The following COL6A6 variants were observed in gnomAD, a reference collection of about 807,000 sequenced individuals.
COL6A6 encodes the protein collagen alpha-6(VI) chain.
Under a neutral mutation model 208.6 loss-of-function variants are expected in COL6A6, and 183 were observed. That is an observed-to-expected ratio of 0.88 (90% CI 0.78 to 0.99). COL6A6 has a LOEUF of 0.99. Ranked by LOEUF, COL6A6 falls within the 50% of genes least tolerant of loss-of-function variation. The probability of loss-of-function intolerance (pLI) is 0.00; values close to 1 mark genes in which losing one functional copy is unlikely to be tolerated. For synonymous variants in COL6A6, 973 were observed against 1,011.8 expected (o/e 0.96, Z 0.73); for missense variants, 2,816 against 2,815.2 (o/e 1.00, Z -0.01).
intron 1 of COL6A6, among the ~76,000 whole-genome samples, chr3:130,524,322 G>A (rs1027324630): frequency 2.8e-4 from 43 of 152,190 alleles, no homozygotes; most frequent in African/African-American, 9.4e-4. Flanking sequence ...CTGCTTTGAC[G>A]CACTTACCTA....
At chr3:130,606,189 A>G (rs946751509) in intron 20 of COL6A6, among the ~76,000 whole-genome samples, 4 of 152,236 alleles carry the variant, frequency 2.6e-5, no homozygotes, top group African/African-American at 7.2e-5. Context: ...TACTTTTACT[A>G]TAACATTACT....
chr3:130,611,215 A>G (rs1202757231), intron 23 of COL6A6, among the ~76,000 whole-genome samples: 2 of 152,190 alleles, frequency 1.3e-5, no homozygotes, highest in Non-Finnish European at 2.9e-5. Context: ...ACTGCTCTGC[A>G]TTAGCACTCC....
At position 130,599,799 on chromosome 3, in the gene COL6A6, A is replaced by G. The variant is rs2108132625; in HGVS notation, c.4642A>G (p.Arg1548Gly). 2 of 1,613,780 alleles carry G rather than the reference A, an allele frequency of 1.2e-6. No individual in the cohort carries two copies. The highest frequency in any genetic ancestry group is 1.3e-5 in the African/African-American group (1 of 75,036). Residue 1548 changes from arginine (R) to glycine (G), a missense_variant, in exon 20 of 37, where the codon AGA becomes GGA. Coordinates refer to ENST00000358511, the MANE Select transcript of COL6A6 (RefSeq NM_001102608.3). ...WPGPPGTPGS[R>G]RKTAAHGRRG... ...AGGCCCCCCCGGGACACCAGGCTCCAGAAGAAAGACAGTAAGAGCCCTTCT... is the reference window on the plus strand; with the variant it reads ...AGGCCCCCCCGGGACACCAGGCTCCGGAAGAAAGACAGTAAGAGCCCTTCT...
At chr3:130,606,809 T>G (rs532942337) in intron 20 of COL6A6, 122 bp from the exon 21 acceptor site, 143 of 657,748 alleles carry the variant, frequency 2.2e-4, no homozygotes, top group Admixed American at 3.6e-4. Flanking sequence ...AATTGAATGT[T>G]GTAAGCACTA....
rs559326220 is a variant in COL6A6, at chr3:130,637,848, G to A, written c.5091+2087G>A. ...TTCTTTTTCCCACCTTTAAAAGCAC[G>A]CACATAGTTTAAAGCAGGGTTTCTC... On this transcript the variant is annotated intron_variant, in intron 28 of 36. Transcript: ENST00000358511. 1.1e-3 allele frequency among the ~76,000 whole-genome samples: 161 copies of A among 151,826 alleles called. 1 individual carries two copies. Among genetic ancestry groups the A allele is most frequent in the African/African-American group, 3.5e-3 (146 of 41,346 alleles).
chr3:130,589,075 T>C lies in COL6A6; in HGVS notation c.4126-15T>C. The C allele has an allele frequency of 6.2e-7, 1 of 1,608,320 alleles. No individual in the cohort carries two copies. Among genetic ancestry groups the C allele is most frequent in the Non-Finnish European group, 8.5e-7 (1 of 1,174,982 alleles). On this transcript the variant is annotated splice_polypyrimidine_tract_variant and intron_variant, in intron 11 of 36. Transcript: ENST00000358511. ...AATACCACCAAATGTAATGTATTTC[T>C]TACCCTCTCCCAAGGTCAATGTTGC...
At chr3:130,594,568 A>G in intron 18 of COL6A6, 1 of 425,214 alleles carries the variant, frequency 2.4e-6, no homozygotes, top group Non-Finnish European at 4.2e-6. Flanking sequence ...CAATTTTGTA[A>G]ATACATACTC....
At chr3:130,571,485 A>T in intron 7 of COL6A6, 92 bp downstream of exon 7, 3 of 865,560 alleles carry the variant, frequency 3.5e-6, no homozygotes, top group Non-Finnish European at 5.3e-6. Context: ...CAAGTTTTCC[A>T]GAGAGGAGAG....
intron 1 of COL6A6, among the ~76,000 whole-genome samples, chr3:130,554,914 G>A (rs760638038): frequency 5.9e-5 from 9 of 152,082 alleles, no homozygotes; most frequent in Non-Finnish European, 1.3e-4. Flanking sequence ...GAGCTATGAC[G>A]TGGGCCCCTG....
intron 8 of COL6A6, among the ~76,000 whole-genome samples, chr3:130,576,908 C>T (rs2063311264): frequency 6.6e-6 from 1 of 152,170 alleles, no homozygotes; most frequent in Admixed American, 6.5e-5. Context: ...AAGGCCTGAA[C>T]ACTTGCTGTG....
intron 1 of COL6A6, among the ~76,000 whole-genome samples, chr3:130,554,068 T>G (rs1264348481): frequency 6.6e-6 from 1 of 152,212 alleles, no homozygotes; most frequent in African/African-American, 2.4e-5. Context: ...AGGAACCTAC[T>G]GTGCTGAAGG....
chr3:130,642,001 T>C (rs1345686154), intron 29 of COL6A6, among the ~76,000 whole-genome samples: 1 of 152,202 alleles, frequency 6.6e-6, no homozygotes, highest in South Asian at 2.1e-4. Flanking sequence ...TCAATCTTTC[T>C]ATATGTAATA....
chr3:130,557,506 G>C (rs763537848), intron 1 of COL6A6, among the ~76,000 whole-genome samples: 1 of 152,168 alleles, frequency 6.6e-6, no homozygotes, highest in African/African-American at 2.4e-5. Context: ...GACATCAGGG[G>C]TTAAATAAGC....
At chr3:130,528,832 T>C (rs1235172237) in intron 1 of COL6A6, among the ~76,000 whole-genome samples, 3 of 152,236 alleles carry the variant, frequency 2.0e-5, no homozygotes, top group Non-Finnish European at 4.4e-5. Context: ...GGCTCACGCC[T>C]GTAATCCCAG....
chr3:130,592,651 A>C (rs1333425842), intron 14 of COL6A6, 39 bp downstream of exon 14: 1 of 1,612,290 alleles, frequency 6.2e-7, no homozygotes, highest in South Asian at 1.1e-5. Context: ...TCTCAATATT[A>C]ATTACATTTT....
At chr3:130,669,963 G>A (rs1201671392) in intron 36 of COL6A6, among the ~76,000 whole-genome samples, 3 of 152,212 alleles carry the variant, frequency 2.0e-5, no homozygotes, top group Admixed American at 6.5e-5. Context: ...TACCTTTGGC[G>A]ATGTGCCTAC....
At chr3:130,604,037 T>A (rs2064105862) in intron 20 of COL6A6, among the ~76,000 whole-genome samples, 1 of 152,200 alleles carries the variant, frequency 6.6e-6, no homozygotes, top group South Asian at 2.1e-4. Context: ...CATTTGCAAG[T>A]CGTTGGGTAA....
intron 10 of COL6A6, among the ~76,000 whole-genome samples, chr3:130,584,254 A>G (rs1036283296): frequency 6.6e-6 from 1 of 152,214 alleles, no homozygotes; most frequent in Non-Finnish European, 1.5e-5. Flanking sequence ...ATTTCTTGCA[A>G]GTCAACAATC....
In COL6A6 at chr3:130,521,693, C is replaced by T. The variant is rs138657888; in HGVS notation, c.-32+4296C>T. 4.5e-3 allele frequency among the ~76,000 whole-genome samples: 684 copies of T among 152,314 alleles called. 2 individuals carry two copies. Among genetic ancestry groups the T allele is most frequent in the African/African-American group, 0.016 (648 of 41,572 alleles). ...CTGTGACTCTGTCTGAGGGCTTTAT[C>T]AGGCCTTGGGAGCCTGCCTGACCCA... On this transcript the variant is annotated intron_variant, in intron 1 of 36. Transcript: ENST00000358511.
Sources: gnomAD v4.1 joint callset for allele counts (sites outside exome capture counted in the v4.1 genomes callset) on GRCh38, gnomAD v4.1.1 for gene constraint, MANE v1.5 for transcripts, NCBI Gene and HGNC (gene_info 2026-07-23, HGNC 2026-07-21) for gene names.